Variants in ABR observed in about 807,000 individuals in gnomAD.
The protein encoded by ABR is ABR activator of RhoGEF and GTPase.
In ABR, 35 loss-of-function variants were observed where a neutral mutation model predicts 107.2. The observed-to-expected ratio is 0.33, with a 90% CI of 0.25 to 0.43. The LOEUF (loss-of-function observed/expected upper bound fraction) is 0.43, where lower values mean the gene tolerates loss of function less well. Ranked by LOEUF, ABR falls within the 20% of genes least tolerant of loss-of-function variation. The pLI is 1.00. For missense variants in ABR, 815 were observed against 1,115.2 expected (o/e 0.73, Z 3.83); for synonymous variants, 498 against 462.0 (o/e 1.08, Z -1.00).
At chr17:1,035,081 G>A (rs780056999) in intron 16 of ABR, among the ~76,000 whole-genome samples, 5 of 151,876 alleles carry the variant, frequency 3.3e-5, no homozygotes, top group African/African-American at 1.2e-4. Flanking sequence ...CCTATGGACT[G>A]GGGGCTTCCT....
At chr17:1,025,769 T>A (rs2072146544) in intron 16 of ABR, among the ~76,000 whole-genome samples, 1 of 152,200 alleles carries the variant, frequency 6.6e-6, no homozygotes, top group South Asian at 2.1e-4. Flanking sequence ...ACAGCACTCA[T>A]CTGACCGGCA....
intron 1 of ABR, among the ~76,000 whole-genome samples, chr17:1,175,787 C>A (rs1206998596): frequency 6.6e-6 from 1 of 152,130 alleles, no homozygotes; most frequent in Non-Finnish European, 1.5e-5. Flanking sequence ...ACTGCCAACC[C>A]CAAAGGCAGG....
At position 1,072,084 on chromosome 17, in the gene ABR, AG is replaced by A. The variant is rs550002957; in HGVS notation, c.894+529del. Among the ~76,000 whole-genome samples, 589 of 152,290 alleles carry A rather than the reference AG, an allele frequency of 3.9e-3. 2 individuals are homozygous for A. Among genetic ancestry groups the A allele is most frequent in the African/African-American group, 0.012 (483 of 41,566 alleles). ...ACGCCCAGCTAATTTTTGTATTTTT[AG>A]TAAAGACGGGGCTTCACCATGTTGG... On this transcript the variant is annotated intron_variant, in intron 8 of 22. Transcript: ENST00000302538.
intron 10 of ABR, among the ~76,000 whole-genome samples, chr17:1,062,177 C>A (rs936764666): frequency 2.2e-5 from 2 of 89,180 alleles, no homozygotes; most frequent in Non-Finnish European, 2.4e-5. Flanking sequence ...CCCGTGGTGC[C>A]TTCCTCTAGA....
chr17:1,004,942 T>A lies in ABR; in HGVS notation c.*1138A>T. Reference sequence around the variant, plus strand: ...GCAAGAGTACCACGAGGTCCTGCGGTGCCAGGGAGCTCCTGGCTGCAGCCT... The same window carrying A: ...GCAAGAGTACCACGAGGTCCTGCGGAGCCAGGGAGCTCCTGGCTGCAGCCT... On this transcript the variant is annotated 3_prime_UTR_variant, in exon 23 of 23. Transcript: ENST00000302538. 2.5e-6 allele frequency: 1 copy of A among 398,704 alleles called. No individual in the cohort carries two copies. The highest frequency in any genetic ancestry group is 1.3e-4 in the South Asian group (1 of 7,708). The allele number at this position is 398,704 out of a possible 1,614,324, so 24.7% of individuals were successfully genotyped here.
At chr17:1,065,830 C>G (rs777420117) in intron 10 of ABR, among the ~76,000 whole-genome samples, 52 of 149,958 alleles carry the variant, frequency 3.5e-4, no homozygotes, top group Non-Finnish European at 6.3e-4. Context: ...AATGCAACCT[C>G]TGCCTCCCAG....
chr17:1,076,965 C>G (rs572600390), intron 6 of ABR, among the ~76,000 whole-genome samples: 98 of 152,340 alleles, frequency 6.4e-4, no homozygotes, highest in South Asian at 1.0e-3. Context: ...GCAAGCTGGT[C>G]TCTCTCTAGT....
intron 2 of ABR, among the ~76,000 whole-genome samples, chr17:1,122,117 A>G (rs1308029437): frequency 6.6e-6 from 1 of 152,130 alleles, no homozygotes; most frequent in Admixed American, 6.5e-5. Context: ...TGGCCAGGCT[A>G]GTCTCAAACT....
intron 1 of ABR, among the ~76,000 whole-genome samples, chr17:1,209,285 CTTTT>C: frequency 6.9e-6 from 1 of 144,444 alleles, no homozygotes; most frequent in East Asian, 2.1e-4. Flanking sequence ...TTGTTTCTTT[CTTTT>C]TTTTTTTGAG....
At chr17:1,086,436 T>C (rs886379382) in intron 4 of ABR, among the ~76,000 whole-genome samples, 3 of 152,100 alleles carry the variant, frequency 2.0e-5, no homozygotes, top group African/African-American at 7.2e-5. Flanking sequence ...AAAATACGAT[T>C]GCTGACAAGC....
intron 17 of ABR, 105 bp downstream of exon 17, chr17:1,013,000 C>G (rs984301302): frequency 1.4e-6 from 2 of 1,392,642 alleles, no homozygotes; most frequent in African/African-American, 2.9e-5. Context: ...GAGGTCGAGG[C>G]GGCACAGCGG....
At chr17:1,074,093 C>G (rs902276883) in intron 6 of ABR, among the ~76,000 whole-genome samples, 2 of 150,552 alleles carry the variant, frequency 1.3e-5, no homozygotes, top group African/African-American at 4.9e-5. Flanking sequence ...CAGAATCACA[C>G]AGCTCCACCC....
chr17:1,102,437 A>G (rs1381330295), intron 2 of ABR, among the ~76,000 whole-genome samples: 1 of 151,566 alleles, frequency 6.6e-6, no homozygotes, highest in Non-Finnish European at 1.5e-5. Flanking sequence ...AAATGAACTC[A>G]CTCCCCTAGA....
chr17:1,136,292 G>A (rs1211494987), intron 1 of ABR, among the ~76,000 whole-genome samples: 1 of 152,150 alleles, frequency 6.6e-6, no homozygotes, highest in African/African-American at 2.4e-5. Context: ...GCAATGGCGC[G>A]ATCTCAGCTC....
intron 10 of ABR, among the ~76,000 whole-genome samples, chr17:1,064,702 T>C (rs574153727): frequency 7.8e-6 from 1 of 127,740 alleles, no homozygotes; most frequent in East Asian, 2.4e-4. Flanking sequence ...CATGTTCCTC[T>C]AGACACTGCT....
intron 3 of ABR, among the ~76,000 whole-genome samples, chr17:1,098,514 T>G (rs1329852451): frequency 6.6e-6 from 1 of 152,228 alleles, no homozygotes; most frequent in African/African-American, 2.4e-5. Context: ...CATGCTGACA[T>G]TTTTTCATTG....
intron 2 of ABR, among the ~76,000 whole-genome samples, chr17:1,105,606 G>T (rs1479005401): frequency 2.0e-5 from 3 of 152,150 alleles, no homozygotes; most frequent in Non-Finnish European, 4.4e-5. Flanking sequence ...GGGCTCAGTG[G>T]CTCACTCCTG....
At chr17:1,034,159 C>T (rs576628495) in intron 16 of ABR, among the ~76,000 whole-genome samples, 22 of 151,968 alleles carry the variant, frequency 1.4e-4, no homozygotes, top group African/African-American at 5.3e-4. Context: ...TTCGCAGAGA[C>T]GAGGTTTCAC....
chr17:1,015,481 A>G (rs2071077390), intron 16 of ABR, among the ~76,000 whole-genome samples: 1 of 149,160 alleles, frequency 6.7e-6, no homozygotes, highest in Non-Finnish European at 1.5e-5. Flanking sequence ...TTTGAGACAG[A>G]GTTTCGCTCT....
Sources: allele counts gnomAD v4.1 joint callset (sites outside exome capture counted in the v4.1 genomes callset), GRCh38; gene constraint gnomAD v4.1.1; transcripts MANE v1.5; gene names NCBI Gene and HGNC (gene_info 2026-07-23, HGNC 2026-07-21).